CTIF: variants seen among roughly 807,000 people sequenced by gnomAD.
The protein encoded by CTIF is CBP80/20-dependent translation initiation factor.
CTIF carries 21 observed loss-of-function variants against 66.0 expected under a neutral mutation model. The observed-to-expected ratio is 0.32, with a 90% confidence interval of 0.23 to 0.46. The LOEUF is 0.46. Among genes scored for constraint, CTIF ranks in the 20% least tolerant of loss-of-function variants. The pLI is 1.00. For synonymous variants in CTIF, 345 were observed against 326.4 expected (o/e 1.06, Z -0.62); for missense variants, 739 against 812.7 (o/e 0.91, Z 1.10).
intron 3 of CTIF, among the ~76,000 whole-genome samples, chr18:48,659,260 A>C (rs1017061683): frequency 2.0e-5 from 3 of 152,014 alleles, no homozygotes; most frequent in Non-Finnish European, 4.4e-5. Context: ...CCCTATACCT[A>C]CTTCTCCAGA....
At chr18:48,719,106 A>G (rs970589317) in intron 7 of CTIF, among the ~76,000 whole-genome samples, 8 of 152,178 alleles carry the variant, frequency 5.3e-5, no homozygotes, top group African/African-American at 1.9e-4. Context: ...CTCACTCTCA[A>G]TACGAAAATA....
intron 9 of CTIF, among the ~76,000 whole-genome samples, chr18:48,799,896 A>G (rs2068013488): frequency 6.6e-6 from 1 of 152,262 alleles, no homozygotes; most frequent in African/African-American, 2.4e-5. Flanking sequence ...GCAATCACTG[A>G]ACGCATAAGC....
intron 7 of CTIF, among the ~76,000 whole-genome samples, chr18:48,722,161 G>A (rs1295580397): frequency 6.6e-6 from 1 of 150,678 alleles, no homozygotes; most frequent in Non-Finnish European, 1.5e-5. Flanking sequence ...CCCCAGATCT[G>A]GCACACAGTC....
intron 9 of CTIF, among the ~76,000 whole-genome samples, chr18:48,779,560 C>T (rs72913717): frequency 0.048 from 7,280 of 152,324 alleles, 194 homozygotes; most frequent in African/African-American, 0.065. Context: ...GGTGGCCATG[C>T]TTTCAGAGCC....
chr18:48,809,219 G>GT (rs752796530), intron 9 of CTIF, among the ~76,000 whole-genome samples: 3 of 152,052 alleles, frequency 2.0e-5, no homozygotes, highest in East Asian at 3.9e-4. Context: ...TATTAATTTT[G>GT]TATCTAAATA....
intron 1 of CTIF, among the ~76,000 whole-genome samples, chr18:48,614,780 A>G (rs2090367227): frequency 6.6e-6 from 1 of 152,252 alleles, no homozygotes; most frequent in Non-Finnish European, 1.5e-5. Context: ...TCAAAACACT[A>G]TGAATGTACT....
At chr18:48,735,494 G>T (rs569816028) in intron 7 of CTIF, among the ~76,000 whole-genome samples, 1 of 152,260 alleles carries the variant, frequency 6.6e-6, no homozygotes, top group South Asian at 2.1e-4. Flanking sequence ...CAGGCACGTG[G>T]CAGGAAGCAC....
At chr18:48,815,780 G>A (rs2068349970) in intron 9 of CTIF, among the ~76,000 whole-genome samples, 1 of 152,218 alleles carries the variant, frequency 6.6e-6, no homozygotes, top group Non-Finnish European at 1.5e-5. Context: ...AAGGATGCTT[G>A]GCTGAAGTCA....
intron 2 of CTIF, among the ~76,000 whole-genome samples, chr18:48,631,394 A>T (rs1363923196): frequency 6.6e-6 from 1 of 152,228 alleles, no homozygotes; most frequent in Non-Finnish European, 1.5e-5. Context: ...TGAGCCCCAG[A>T]GGGGAAGGTT....
intron 1 of CTIF, among the ~76,000 whole-genome samples, chr18:48,574,550 C>T (rs1275724968): frequency 6.6e-6 from 1 of 152,172 alleles, no homozygotes; most frequent in Non-Finnish European, 1.5e-5. Context: ...CAGCCCAGGG[C>T]CGCTTGGGAC....
chr18:48,671,206 T>TA (rs1243317555), intron 6 of CTIF, among the ~76,000 whole-genome samples: 1 of 152,152 alleles, frequency 6.6e-6, no homozygotes, highest in African/African-American at 2.4e-5. Flanking sequence ...CTCTTTTTTT[T>TA]ATTGATTGGG....
chr18:48,566,545 G>A (rs1421239768), intron 1 of CTIF: 1 of 152,284 alleles, frequency 6.6e-6, no homozygotes, highest in African/African-American at 2.4e-5. Flanking sequence ...GTCTAGGGGG[G>A]ATTGCCCTTA....
chr18:48,597,300 A>G (rs7227797), intron 1 of CTIF, among the ~76,000 whole-genome samples: 59,272 of 152,068 alleles, frequency 0.39, 13,230 homozygotes, highest in African/African-American at 0.62. Context: ...CCAGTCAGCT[A>G]ACAGTCACCA....
At chr18:48,781,126 T>C (rs1239654159) in intron 9 of CTIF, among the ~76,000 whole-genome samples, 1 of 152,202 alleles carries the variant, frequency 6.6e-6, no homozygotes, top group Non-Finnish European at 1.5e-5. Flanking sequence ...CTTGCAAAAG[T>C]TTGTCCTCTG....
intron 2 of CTIF, among the ~76,000 whole-genome samples, chr18:48,634,127 A>C (rs78863833): frequency 1.3e-5 from 2 of 152,120 alleles, no homozygotes; most frequent in African/African-American, 4.8e-5. Context: ...GTTCTGGTCA[A>C]TGCTTCTGTA....
chr18:48,811,823 G>A (rs2068264005), intron 9 of CTIF, among the ~76,000 whole-genome samples: 1 of 152,148 alleles, frequency 6.6e-6, no homozygotes, highest in South Asian at 2.1e-4. Context: ...GTGGATGCCT[G>A]GGTTGCTCCC....
chr18:48,763,307 G>A (rs1010628614), intron 9 of CTIF, among the ~76,000 whole-genome samples: 1 of 152,260 alleles, frequency 6.6e-6, no homozygotes. Flanking sequence ...GGGGAGGGCA[G>A]CTGGCTGCAG....
chr18:48,857,943 T>TG (rs2069368362), intron 11 of CTIF, among the ~76,000 whole-genome samples: 2 of 152,214 alleles, frequency 1.3e-5, no homozygotes, highest in Admixed American at 6.5e-5. Flanking sequence ...GCCACACAAA[T>TG]GACTTAAGAA....
chr18:48,599,709 A>G (rs933967925), intron 1 of CTIF, among the ~76,000 whole-genome samples: 7 of 152,144 alleles, frequency 4.6e-5, no homozygotes, highest in African/African-American at 9.7e-5. Context: ...TGCACTGCCC[A>G]TGTCCACAGG....
Sources: allele counts gnomAD v4.1 joint callset (sites outside exome capture counted in the v4.1 genomes callset), GRCh38; gene constraint gnomAD v4.1.1; transcripts MANE v1.5; gene names NCBI Gene and HGNC (gene_info 2026-07-23, HGNC 2026-07-21).